The following SACM1L variants were observed in gnomAD, a reference collection of about 807,000 sequenced individuals.
The protein encoded by SACM1L is phosphatidylinositol-3-phosphatase SAC1.
Under a neutral mutation model 89.5 loss-of-function variants are expected in SACM1L, and 32 were observed. That is an observed-to-expected ratio of 0.36 (90% confidence interval 0.27 to 0.48). The LOEUF is 0.48. Among genes scored for constraint, SACM1L ranks in the 20% least tolerant of loss-of-function variants. SACM1L has a pLI of 0.99. For synonymous variants in SACM1L, 213 were observed against 232.8 expected (o/e 0.92, Z 0.77); for missense variants, 543 against 708.5 (o/e 0.77, Z 2.65).
intron 4 of SACM1L, among the ~76,000 whole-genome samples, chr3:45,707,754 G>C (rs1319297561): frequency 1.3e-5 from 2 of 152,282 alleles, no homozygotes; most frequent in East Asian, 3.9e-4. Flanking sequence ...TCCCAACATT[G>C]AAAGTGCAAA....
chr3:45,717,251 C>A (rs1274579882), intron 7 of SACM1L, among the ~76,000 whole-genome samples: 2 of 152,198 alleles, frequency 1.3e-5, no homozygotes, highest in African/African-American at 2.4e-5. Flanking sequence ...CAGCACTTCT[C>A]CAATGCATAC....
intron 1 of SACM1L, among the ~76,000 whole-genome samples, chr3:45,697,619 G>A (rs1698162840): frequency 1.3e-5 from 2 of 152,100 alleles, no homozygotes; most frequent in African/African-American, 4.8e-5. Flanking sequence ...ATCCTTAAAA[G>A]CAAAATGACG....
intron 8 of SACM1L, 86 bp from the exon 9 acceptor site, chr3:45,721,914 T>C: frequency 1.2e-6 from 1 of 853,768 alleles, no homozygotes. Context: ...GACTTAATTC[T>C]CTCCAAGTTA....
In SACM1L at chr3:45,703,591, A is replaced by G. The variant is rs952297102; in HGVS notation, c.130+56A>G. 2.2e-5 allele frequency: 26 copies of G among 1,173,542 alleles called. No individual in the cohort carries two copies. In the African/African-American group the frequency reaches 3.7e-4, roughly 17 times the overall value. 72.7% of individuals were successfully genotyped at this position (1,173,542 alleles called of 1,614,324 possible). On this transcript the variant is annotated intron_variant, in intron 2 of 19. Coordinates refer to ENST00000389061, the MANE Select transcript of SACM1L (RefSeq NM_014016.5). The stretch of plus-strand genomic sequence containing the variant: ...GAGAAAGATTTTATACATAAATTAC[A>G]GTAATTAAAAAACATCACTCAGAGG...
intron 12 of SACM1L, 152 bp from the exon 13 acceptor site, chr3:45,731,901 A>G (rs1699063007): frequency 1.8e-6 from 1 of 550,874 alleles, no homozygotes. Context: ...TAGTATATGT[A>G]TAGTGATAAA....
intron 1 of SACM1L, among the ~76,000 whole-genome samples, chr3:45,699,678 C>T (rs183751736): frequency 1.3e-5 from 2 of 152,218 alleles, no homozygotes; most frequent in African/African-American, 2.4e-5. Context: ...TGCGCCACCA[C>T]ACCTGGCTAA....
In SACM1L at chr3:45,718,294, TAAAAAA is replaced by T. The variant is rs5848764; in HGVS notation, c.578-1197_578-1192del. Among the ~76,000 whole-genome samples, 372 of 148,498 alleles carry T rather than the reference TAAAAAA, an allele frequency of 2.5e-3. 2 individuals are homozygous for T. Among genetic ancestry groups the T allele is most frequent in the African/African-American group, 8.9e-3 (362 of 40,482 alleles). On this transcript the variant is annotated intron_variant, in intron 7 of 19. Coordinates refer to ENST00000389061, the MANE Select transcript of SACM1L (RefSeq NM_014016.5). ...ACATACAGATTAATTCCTGTTATGTTAAAAAAAAAAAAAAGTCAAAAGCTGTTCAGA... is the reference window on the plus strand; with the variant it reads ...ACATACAGATTAATTCCTGTTATGTTAAAAAAAAGTCAAAAGCTGTTCAGA...
chr3:45,690,847 T>C (rs1409630447), intron 1 of SACM1L, among the ~76,000 whole-genome samples: 2 of 152,220 alleles, frequency 1.3e-5, no homozygotes, highest in Non-Finnish European at 2.9e-5. Context: ...CTGTCACATG[T>C]GCTCTGCTAG....
intron 11 of SACM1L, among the ~76,000 whole-genome samples, chr3:45,725,224 A>G (rs544427144): frequency 1.1e-4 from 17 of 152,318 alleles, no homozygotes; most frequent in African/African-American, 3.1e-4. Context: ...TCTGCAAACA[A>G]TGTCATTGGG....
At position 45,719,699 on chromosome 3, in the gene SACM1L, T is replaced by C. The variant is rs187533170; in HGVS notation, c.679+98T>C. On this transcript the variant is annotated intron_variant, in intron 8 of 19. Transcript: ENST00000389061. Reference sequence around the variant, plus strand: ...TGTATTTTATTTGTTTTCATTATCATTTGATAGCCTTGCTAAGTATTTATC... The same window carrying C: ...TGTATTTTATTTGTTTTCATTATCACTTGATAGCCTTGCTAAGTATTTATC... The C allele has an allele frequency of 1.3e-4, 84 of 651,382 alleles. No homozygotes were observed. The African/African-American group carries it at 1.4e-3, about 11-fold the overall frequency. 40.4% of individuals were successfully genotyped at this position (651,382 alleles called of 1,614,324 possible).
chr3:45,739,689 T>G (rs779563976), intron 19 of SACM1L, 45 bp downstream of exon 19: 4 of 1,571,116 alleles, frequency 2.5e-6, no homozygotes, highest in South Asian at 1.1e-5. Context: ...AATGTTGACC[T>G]TTCTTTTACA....
intron 11 of SACM1L, among the ~76,000 whole-genome samples, chr3:45,725,322 A>T (rs1036965495): frequency 3.3e-5 from 5 of 151,004 alleles, no homozygotes; most frequent in Admixed American, 3.3e-4. Flanking sequence ...ATCAACTCAG[A>T]TGTCTTTTTA....
At chr3:45,697,107 A>G (rs1048216999) in intron 1 of SACM1L, among the ~76,000 whole-genome samples, 1 of 151,904 alleles carries the variant, frequency 6.6e-6, no homozygotes, top group Admixed American at 6.6e-5. Context: ...TCATAGCAGC[A>G]TTATTCACAA....
At chr3:45,731,572 A>G (rs1044808725) in intron 12 of SACM1L, among the ~76,000 whole-genome samples, 192 bp downstream of exon 12, 9 of 152,274 alleles carry the variant, frequency 5.9e-5, no homozygotes, top group Non-Finnish European at 1.2e-4. Flanking sequence ...CTTTTCAGTC[A>G]AGTTTTGAGT....
chr3:45,732,572 T>C (rs913683399), intron 13 of SACM1L, among the ~76,000 whole-genome samples: 1 of 152,244 alleles, frequency 6.6e-6, no homozygotes, highest in South Asian at 2.1e-4. Context: ...AAAGTGCTTT[T>C]CTTCACCCTG....
chr3:45,712,957 A>G (rs1470928010), intron 5 of SACM1L, among the ~76,000 whole-genome samples, 180 bp from the exon 6 acceptor site: 8 of 152,214 alleles, frequency 5.3e-5, no homozygotes, highest in South Asian at 2.1e-4. Context: ...CTGGCCTGAG[A>G]CAATGAGACA....
chr3:45,730,986 C>T (rs1455298058), intron 11 of SACM1L, among the ~76,000 whole-genome samples: 1 of 152,204 alleles, frequency 6.6e-6, no homozygotes, highest in East Asian at 1.9e-4. Context: ...GAACTGAGAA[C>T]CCGGTTATTC....
At chr3:45,735,904 T>C (rs1314658651) in intron 14 of SACM1L, among the ~76,000 whole-genome samples, 1 of 152,238 alleles carries the variant, frequency 6.6e-6, no homozygotes, top group Non-Finnish European at 1.5e-5. Context: ...TCTGGCTCTG[T>C]TGCCCAGGCT....
chr3:45,696,318 G>A (rs1382575295), intron 1 of SACM1L, among the ~76,000 whole-genome samples: 4 of 152,112 alleles, frequency 2.6e-5, no homozygotes, highest in African/African-American at 7.2e-5. Flanking sequence ...TTCTAAGGCT[G>A]AATAATATTC....
Sources: gnomAD v4.1 joint callset for allele counts (sites outside exome capture counted in the v4.1 genomes callset) on GRCh38, gnomAD v4.1.1 for gene constraint, MANE v1.5 for transcripts, NCBI Gene and HGNC (gene_info 2026-07-23, HGNC 2026-07-21) for gene names.